Variants in ING5 observed in about 807,000 individuals in gnomAD.
The protein encoded by ING5 is inhibitor of growth protein 5.
ING5 carries 17 observed loss-of-function variants against 37.4 expected under a neutral mutation model. The observed-to-expected ratio is 0.45, with a 90% confidence interval of 0.31 to 0.68. ING5 has a LOEUF of 0.68. Among genes scored for constraint, ING5 ranks in the 30% least tolerant of loss-of-function variants. ING5 has a pLI of 0.05. For synonymous variants in ING5, 123 were observed against 116.6 expected (o/e 1.06, Z -0.36); for missense variants, 233 against 311.9 (o/e 0.75, Z 1.91).
intron 2 of ING5, among the ~76,000 whole-genome samples, chr2:241,706,633 A>AG (rs1485698665): frequency 6.8e-6 from 1 of 147,742 alleles, no homozygotes; most frequent in Non-Finnish European, 1.5e-5. Flanking sequence ...CTCAAAAAAA[A>AG]AAAAAAAAAA....
chr2:241,726,627 G>C lies in ING5; in HGVS notation c.*1596G>C, dbSNP rs1455116508. ...GCGCAGGTGCCAGGCAGGTGCAGGC[G>C]GGCGGTCGGCCACTGCTGCTGCTCG... is the stretch of plus-strand genomic sequence containing the variant. On this transcript the variant is annotated 3_prime_UTR_variant, in exon 8 of 8. Coordinates refer to ENST00000313552, the MANE Select transcript of ING5 (RefSeq NM_032329.6). 6.6e-6 allele frequency: 1 copy of C among 152,468 alleles called. No homozygotes were observed. Among genetic ancestry groups the C allele is most frequent in the African/African-American group, 2.4e-5 (1 of 41,428 alleles). The allele number at this position is 152,468 out of a possible 1,614,324, so 9.4% of individuals were successfully genotyped here. A position where few individuals can be genotyped will look rare whatever the true frequency, so the allele number is the denominator to read the frequency against.
chr2:241,698,050 T>C (rs1237026319), upstream of ING5, among the ~76,000 whole-genome samples: 1 of 129,994 alleles, frequency 7.7e-6, no homozygotes, highest in Non-Finnish European at 1.6e-5. Flanking sequence ...ACCATTGCAC[T>C]CCATCCTGGG....
chr2:241,729,082 G>A lies in ING5; in HGVS notation c.*4051G>A, dbSNP rs1401643627. ...TTCATGGTTTAGAGTAAAACCGTGA[G>A]GGATGTTAATTATGGGCATTGAAGA... is the stretch of plus-strand genomic sequence containing the variant. On this transcript the variant is annotated 3_prime_UTR_variant, in exon 8 of 8. Coordinates refer to ENST00000313552, the MANE Select transcript of ING5 (RefSeq NM_032329.6). 6.6e-6 allele frequency: 1 copy of A among 152,384 alleles called. No individual in the cohort carries two copies. Among genetic ancestry groups the A allele is most frequent in the Non-Finnish European group, 1.5e-5 (1 of 68,048 alleles). The allele number at this position is 152,384 out of a possible 1,614,324, so 9.4% of individuals were successfully genotyped here. A position where few individuals can be genotyped will look rare whatever the true frequency, so the allele number is the denominator to read the frequency against.
At chr2:241,723,392 C>A in intron 7 of ING5, 121 bp downstream of exon 7, 3 of 1,065,084 alleles carry the variant, frequency 2.8e-6, no homozygotes, top group South Asian at 2.6e-5. Context: ...ACGGTAGCCA[C>A]GTAGGCATGC....
At chr2:241,705,695 C>T (rs966435740) in intron 2 of ING5, among the ~76,000 whole-genome samples, 19 of 152,298 alleles carry the variant, frequency 1.2e-4, no homozygotes, top group African/African-American at 4.3e-4. Flanking sequence ...CATGAGCCAC[C>T]GCGCCCGGCC....
At chr2:241,712,904 G>A (rs1297042757) in intron 5 of ING5, among the ~76,000 whole-genome samples, 2 of 151,588 alleles carry the variant, frequency 1.3e-5, no homozygotes, top group African/African-American at 2.4e-5. Context: ...GGTGTGGGCT[G>A]TAGTCCCAGC....
At chr2:241,694,577 T>TC (rs923579867) in intron 2 of ING5, among the ~76,000 whole-genome samples, 17 of 151,866 alleles carry the variant, frequency 1.1e-4, no homozygotes, top group African/African-American at 3.6e-4. Flanking sequence ...GTTGGCTTTT[T>TC]CCCCCCTCTA....
At chr2:241,723,373 T>C in intron 7 of ING5, 102 bp downstream of exon 7, 1 of 1,296,714 alleles carries the variant, frequency 7.7e-7, no homozygotes, top group Non-Finnish European at 1.1e-6. Flanking sequence ...TTGCCGGGCT[T>C]AGCGGGACAC....
At chr2:241,720,380 T>G in intron 5 of ING5, 1 of 1,172,972 alleles carries the variant, frequency 8.5e-7, no homozygotes, top group Non-Finnish European at 1.1e-6. Flanking sequence ...CCTGTCCCTG[T>G]GGACTGCCCT....
At chr2:241,689,756 C>A (rs1167274729) in intron 1 of ING5, 1 of 152,182 alleles carries the variant, frequency 6.6e-6, no homozygotes, top group African/African-American at 2.4e-5. Flanking sequence ...CTTACTATTC[C>A]CTTACATAGA....
At chr2:241,723,311 C>T (rs1166395019) in intron 7 of ING5, 40 bp downstream of exon 7, 3 of 1,599,456 alleles carry the variant, frequency 1.9e-6, no homozygotes, top group Non-Finnish European at 2.6e-6. Context: ...TCCCAGTCTG[C>T]TGGGTGTTGC....
intron 2 of ING5, among the ~76,000 whole-genome samples, chr2:241,693,036 A>G (rs2069577449): frequency 6.6e-6 from 1 of 151,982 alleles, no homozygotes; most frequent in Non-Finnish European, 1.5e-5. Context: ...AGAGGCGGGC[A>G]GATCACGAGA....
In ING5 at chr2:241,722,945, G is replaced by A; in HGVS notation, c.489G>A (p.Glu163=). 2 of 1,613,982 alleles carry A rather than the reference G, an allele frequency of 1.2e-6. No homozygotes were observed. Among genetic ancestry groups the A allele is most frequent in the Non-Finnish European group, 1.7e-6 (2 of 1,180,028 alleles). Residue 163 remains glutamate, a synonymous_variant, in exon 6 of 8, where the codon GAG becomes GAA. Transcript: ENST00000313552. ...TGTGCCCTGTCCCCTGCAGGTCTGA[G>A]TTCACTGACACCATCCTGTCCGTGC... The part of the protein sequence containing the change: ...PKKKKHKGGS[E]FTDTILSVHP...
intron 5 of ING5, among the ~76,000 whole-genome samples, chr2:241,713,796 C>T (rs1318766492): frequency 6.6e-6 from 1 of 152,000 alleles, no homozygotes; most frequent in Non-Finnish European, 1.5e-5. Flanking sequence ...CAAGACCAGC[C>T]TGACCAATAT....
chr2:241,702,058 G>C lies in ING5; in HGVS notation c.-8G>C, dbSNP rs1331445933. ...CCGCGCAGACCCCGAGCGCGGCCGC[G>C]GACGAAGATGGCGACCGCCATGTAC... On this transcript the variant is annotated 5_prime_UTR_variant, in exon 1 of 8. Transcript: ENST00000313552. The C allele has an allele frequency of 7.2e-7, 1 of 1,386,608 alleles. No individual in the cohort carries two copies. Among genetic ancestry groups the C allele is most frequent in the Non-Finnish European group, 9.4e-7 (1 of 1,065,538 alleles). 85.9% of individuals were successfully genotyped at this position (1,386,608 alleles called of 1,614,324 possible). A position where few individuals can be genotyped will look rare whatever the true frequency, so the allele number is the denominator to read the frequency against.
chr2:241,722,370 A>G (rs1265163029), intron 5 of ING5: 7 of 985,046 alleles, frequency 7.1e-6, no homozygotes, highest in Admixed American at 6.2e-5. Context: ...CCGAGATGAG[A>G]GTGGACTCGT....
chr2:241,688,769 G>A (rs2069498084), intron 1 of ING5, among the ~76,000 whole-genome samples: 1 of 151,064 alleles, frequency 6.6e-6, no homozygotes, highest in South Asian at 2.1e-4. Flanking sequence ...GATTACAGGC[G>A]CCCACCACCA....
chr2:241,715,632 A>G (rs942989881), intron 5 of ING5, among the ~76,000 whole-genome samples: 1 of 151,078 alleles, frequency 6.6e-6, no homozygotes, highest in Non-Finnish European at 1.5e-5. Flanking sequence ...ACAGGCACGT[A>G]TCACCATGCC....
At chr2:241,698,495 GA>G, upstream of ING5, among the ~76,000 whole-genome samples, 1 of 71,068 alleles carries the variant, frequency 1.4e-5, no homozygotes, top group Admixed American at 1.9e-4. Flanking sequence ...TATAATAGAG[GA>G]GTGTGTGTGT....
Sources: allele counts gnomAD v4.1 joint callset (sites outside exome capture counted in the v4.1 genomes callset), GRCh38; gene constraint gnomAD v4.1.1; transcripts MANE v1.5; gene names NCBI Gene and HGNC (gene_info 2026-07-23, HGNC 2026-07-21).